The following LIMK2 variants were observed in gnomAD, a reference collection of about 807,000 sequenced individuals.
LIMK2 encodes the protein LIM domain kinase 2.
A neutral mutation model predicts 75.7 loss-of-function variants in LIMK2; 35 were observed. The observed-to-expected ratio is 0.46, with a 90% CI of 0.35 to 0.61. The LOEUF (loss-of-function observed/expected upper bound fraction) is 0.61, where lower values mean the gene tolerates loss of function less well. Ranked by LOEUF, LIMK2 falls within the 20% of genes least tolerant of loss-of-function variation. The pLI, the probability that LIMK2 is intolerant of heterozygous loss-of-function variation, is 0.00. For missense variants in LIMK2, 623 were observed against 831.0 expected (o/e 0.75, Z 3.08); for synonymous variants, 301 against 319.2 (o/e 0.94, Z 0.61).
intron 2 of LIMK2, 45 bp from the exon 3 acceptor site, chr22:31,258,246 G>T: frequency 1.3e-6 from 2 of 1,555,840 alleles, no homozygotes; most frequent in Non-Finnish European, 1.7e-6. Flanking sequence ...ATGTGGCCTG[G>T]TTCCAGGGAT....
At position 31,264,785 on chromosome 22, in the gene LIMK2, G is replaced by A. The variant is rs145334248; in HGVS notation, c.855-1161G>A. 7.7e-3 allele frequency among the ~76,000 whole-genome samples: 1,161 copies of A among 151,196 alleles called. 21 individuals are homozygous for A. The highest frequency in any genetic ancestry group is 0.026 in the African/African-American group (1,083 of 41,120). On this transcript the variant is annotated intron_variant, in intron 7 of 15. Coordinates refer to ENST00000331728, the MANE Select transcript of LIMK2 (RefSeq NM_005569.4). ...TAAAAATACAATAATTAGGCTGGGC[G>A]CAGTGGCTCACGCCTATAATCCCAG...
intron 2 of LIMK2, among the ~76,000 whole-genome samples, chr22:31,252,876 G>T (rs1424956385): frequency 1.3e-5 from 2 of 152,228 alleles, no homozygotes; most frequent in African/African-American, 4.8e-5. Context: ...CTGGCCTTGG[G>T]TGACACAGAT....
At chr22:31,212,644 G>A (rs2048357175) in intron 1 of LIMK2, among the ~76,000 whole-genome samples, 1 of 152,078 alleles carries the variant, frequency 6.6e-6, no homozygotes, top group Admixed American at 6.5e-5. Context: ...TGGAGACAGA[G>A]GGCTCCGAGG....
intron 2 of LIMK2, among the ~76,000 whole-genome samples, chr22:31,232,570 C>T (rs979081678): frequency 6.6e-6 from 1 of 152,114 alleles, no homozygotes; most frequent in Non-Finnish European, 1.5e-5. Flanking sequence ...GTGGGGGATA[C>T]GGAGTTGGCA....
intron 12 of LIMK2, among the ~76,000 whole-genome samples, chr22:31,272,293 T>C (rs1278059386): frequency 1.3e-5 from 2 of 151,608 alleles, no homozygotes; most frequent in Non-Finnish European, 2.9e-5. Context: ...CAGGCTGGTC[T>C]TGAACTCCTG....
intron 2 of LIMK2, among the ~76,000 whole-genome samples, chr22:31,252,900 G>T (rs2123823035): frequency 6.6e-6 from 1 of 152,372 alleles, no homozygotes; most frequent in South Asian, 2.1e-4. Flanking sequence ...AAATGGCAGA[G>T]AAGGAATATG....
intron 2 of LIMK2, among the ~76,000 whole-genome samples, chr22:31,226,042 G>T (rs554161593): frequency 2.6e-5 from 4 of 152,250 alleles, no homozygotes; most frequent in South Asian, 2.1e-4. Flanking sequence ...GAGGCAGGGT[G>T]GGGGGATGAG....
At chr22:31,237,943 A>G (rs576556667) in intron 2 of LIMK2, among the ~76,000 whole-genome samples, 74 of 23,714 alleles carry the variant, frequency 3.1e-3, no homozygotes, top group African/African-American at 0.013. Flanking sequence ...TGTCTCTGCT[A>G]AAAAAAAAAA....
At chr22:31,240,688 C>T (rs184147225) in intron 2 of LIMK2, among the ~76,000 whole-genome samples, 7 of 152,204 alleles carry the variant, frequency 4.6e-5, no homozygotes, top group Non-Finnish European at 8.8e-5. Context: ...TCCCAAAGTG[C>T]TGGGATTACA....
chr22:31,275,964 G>C (rs185753449), intron 15 of LIMK2, among the ~76,000 whole-genome samples: 1 of 152,228 alleles, frequency 6.6e-6, no homozygotes, highest in East Asian at 1.9e-4. Flanking sequence ...GGCTGGGCGC[G>C]ATGGCTCACA....
Position 31,267,058 on chromosome 22 carries a change from T to A in LIMK2, c.1116T>A (p.Thr372=), listed in dbSNP as rs1220733549. The part of the protein sequence containing the change: ...LIRCDEETQK[T]FLTEVKVMRS... The stretch of plus-strand genomic sequence containing the variant: ...GATGTGATGAGGAGACCCAGAAAAC[T>A]TTTCTGACTGAGGTAAGAAGATGGA... The change falls in exon 9 of 16, where the codon ACT becomes ACA. Residue 372 remains threonine, a synonymous_variant. Transcript: ENST00000331728. The A allele has an allele frequency of 5.0e-6, 8 of 1,604,170 alleles. No homozygotes were observed. In the Middle Eastern group the frequency reaches 8.3e-4, roughly 166 times the overall value.
At chr22:31,228,047 T>TGA (rs1379938567) in intron 2 of LIMK2, among the ~76,000 whole-genome samples, 10 of 146,524 alleles carry the variant, frequency 6.8e-5, no homozygotes, top group South Asian at 2.1e-4. Flanking sequence ...TGTGTGTGTG[T>TGA]GTGAGATAGA....
At chr22:31,269,054 G>GTTTT (rs1038345992) in intron 11 of LIMK2, among the ~76,000 whole-genome samples, 1 of 146,392 alleles carries the variant, frequency 6.8e-6, no homozygotes, top group Admixed American at 6.8e-5. Flanking sequence ...TTGTTTGTTT[G>GTTTT]TTTTTTTGTT....
At chr22:31,246,179 G>GCGCGCACACACACACACACACACACA (rs1555886265) in intron 2 of LIMK2, among the ~76,000 whole-genome samples, 1 of 69,774 alleles carries the variant, frequency 1.4e-5, no homozygotes, top group Admixed American at 1.3e-4. Flanking sequence ...ACACACGCAC[G>GCGCGCACACACACACACACACACACA]CACGCACACA....
At chr22:31,276,716 C>T (rs996926337) in intron 15 of LIMK2, 19 of 1,412,926 alleles carry the variant, frequency 1.3e-5, no homozygotes, top group Admixed American at 1.3e-4. Flanking sequence ...CCGCGGGGGG[C>T]GCGGCGTTGG....
At chr22:31,240,897 T>C (rs937600962) in intron 2 of LIMK2, among the ~76,000 whole-genome samples, 2 of 152,230 alleles carry the variant, frequency 1.3e-5, no homozygotes, top group Admixed American at 6.5e-5. Flanking sequence ...TTAAGCTACG[T>C]TCAGGATAAG....
chr22:31,228,600 C>G (rs1383463990), intron 2 of LIMK2, among the ~76,000 whole-genome samples: 2 of 152,072 alleles, frequency 1.3e-5, no homozygotes, highest in Non-Finnish European at 2.9e-5. Flanking sequence ...AATGTGATAA[C>G]CTATATAAAG....
intron 2 of LIMK2, among the ~76,000 whole-genome samples, chr22:31,249,193 CTG>C (rs1348984994): frequency 6.6e-6 from 1 of 152,232 alleles, no homozygotes; most frequent in Non-Finnish European, 1.5e-5. Flanking sequence ...TTTTGCCAAA[CTG>C]TGGAAACTGG....
intron 1 of LIMK2, 152 bp downstream of exon 1, chr22:31,212,576 A>G: frequency 1.5e-6 from 1 of 689,490 alleles, no homozygotes; most frequent in Non-Finnish European, 2.1e-6. Flanking sequence ...CGGGGTGGGC[A>G]CAGCGCTCCC....
Sources: gnomAD v4.1 joint callset for allele counts (sites outside exome capture counted in the v4.1 genomes callset) on GRCh38, gnomAD v4.1.1 for gene constraint, MANE v1.5 for transcripts, NCBI Gene and HGNC (gene_info 2026-07-23, HGNC 2026-07-21) for gene names.